The following EFCAB11 variants were observed in gnomAD, a reference collection of about 807,000 sequenced individuals.
The protein encoded by EFCAB11 is EF-hand calcium binding domain 11.
In EFCAB11, 14 loss-of-function variants were observed where a neutral mutation model predicts 23.0. The ratio of observed to expected loss-of-function variants is 0.61; its 90% CI spans 0.40 to 0.95. EFCAB11 has a LOEUF of 0.95. Among genes scored for constraint, EFCAB11 ranks in the 40% least tolerant of loss-of-function variants. EFCAB11 has a pLI of 0.00. For missense variants in EFCAB11, 198 were observed against 195.8 expected, an observed-to-expected ratio of 1.01 and a Z score of -0.07; for synonymous variants, 65 against 66.6, an observed-to-expected ratio of 0.98 and a Z score of 0.11.
At chr14:89,934,432 A>G (rs1255720591) in intron 3 of EFCAB11, among the ~76,000 whole-genome samples, 1 of 152,168 alleles carries the variant, frequency 6.6e-6, no homozygotes, top group African/African-American at 2.4e-5. Flanking sequence ...AGAGCTACTT[A>G]AAGAGAGGAG....
At chr14:89,945,919 T>G (rs147245606) in intron 3 of EFCAB11, among the ~76,000 whole-genome samples, 1 of 148,020 alleles carries the variant, frequency 6.8e-6, no homozygotes, top group Non-Finnish European at 1.5e-5. Context: ...GGGATTTTTT[T>G]TTTTTATTTT....
intron 3 of EFCAB11, among the ~76,000 whole-genome samples, chr14:89,944,939 A>G (rs1020904621): frequency 8.0e-5 from 9 of 113,136 alleles, no homozygotes; most frequent in South Asian, 6.5e-4. Context: ...ATCTAATAAT[A>G]AATCTAATAA....
intron 5 of EFCAB11, among the ~76,000 whole-genome samples, chr14:89,895,093 T>C (rs1450065654): frequency 1.3e-5 from 2 of 152,200 alleles, no homozygotes; most frequent in Non-Finnish European, 2.9e-5. Flanking sequence ...TAATAGGATC[T>C]ACCTCAAAAG....
chr14:89,879,209 G>A lies in EFCAB11; in HGVS notation c.410+52332C>T, dbSNP rs557953111. 2.0e-4 allele frequency among the ~76,000 whole-genome samples: 31 copies of A among 151,680 alleles called. 1 individual carries two copies. In the South Asian group the frequency reaches 2.9e-3, roughly 14 times the overall value. On this transcript the variant is annotated intron_variant, in intron 5 of 5. Transcript: ENST00000316738. Reference sequence around the variant, plus strand: ...GACTATTTTTCTTTTTAGTGTACTCGATCCTACTTCCTTCTTTTATATTTA... The same window carrying A: ...GACTATTTTTCTTTTTAGTGTACTCAATCCTACTTCCTTCTTTTATATTTA...
intron 5 of EFCAB11, among the ~76,000 whole-genome samples, chr14:89,798,619 G>C (rs2140071003): frequency 6.6e-6 from 1 of 152,294 alleles, no homozygotes; most frequent in South Asian, 2.1e-4. Flanking sequence ...AAATCTCAGA[G>C]GGTGAGTTAA....
intron 3 of EFCAB11, among the ~76,000 whole-genome samples, chr14:89,949,604 G>A (rs576041359): frequency 2.6e-5 from 4 of 152,216 alleles, no homozygotes; most frequent in Admixed American, 1.3e-4. Flanking sequence ...GACCTCAGAC[G>A]ATCCACCTGC....
rs372437574 is a variant in EFCAB11 at position 89,879,043 on chromosome 14, T to C, written c.410+52498A>G. On this transcript the variant is annotated intron_variant, in intron 5 of 5. Transcript: ENST00000316738. ...GTACTTTCTGCCTTGTTTTGACCTT[T>C]CTTTTGCCGAGACATGATCCCCCCA... is the stretch of plus-strand genomic sequence containing the variant. Among the ~76,000 whole-genome samples, 14 of 152,252 alleles carry C rather than the reference T, an allele frequency of 9.2e-5. No homozygotes were observed. The East Asian group carries it at 1.2e-3, about 13-fold the overall frequency.
intron 5 of EFCAB11, among the ~76,000 whole-genome samples, chr14:89,919,200 G>C (rs1043461339): frequency 7.8e-6 from 1 of 127,834 alleles, no homozygotes; most frequent in Non-Finnish European, 1.5e-5. Flanking sequence ...GAGAGAGAGA[G>C]AGACAGAGAG....
chr14:89,879,458 T>TA (rs1888537775), intron 5 of EFCAB11, among the ~76,000 whole-genome samples: 1 of 151,818 alleles, frequency 6.6e-6, no homozygotes, highest in African/African-American at 2.4e-5. Flanking sequence ...TTCAGTGACT[T>TA]ACAATGCATT....
intron 5 of EFCAB11, among the ~76,000 whole-genome samples, chr14:89,902,112 C>T (rs937473251): frequency 1.3e-5 from 2 of 152,132 alleles, no homozygotes; most frequent in African/African-American, 2.4e-5. Context: ...GCCTCTTGTT[C>T]GCTGCAACCC....
chr14:89,872,611 C>T (rs950594979), intron 5 of EFCAB11, among the ~76,000 whole-genome samples: 4 of 152,122 alleles, frequency 2.6e-5, no homozygotes, highest in African/African-American at 4.8e-5. Context: ...GCAGGTAGTA[C>T]GGGCTGAATT....
intron 5 of EFCAB11, among the ~76,000 whole-genome samples, chr14:89,890,716 C>G (rs965015780): frequency 6.6e-6 from 1 of 152,184 alleles, no homozygotes; most frequent in Non-Finnish European, 1.5e-5. Context: ...CTAGCTTGAA[C>G]CCAAAGAGGT....
intron 5 of EFCAB11, among the ~76,000 whole-genome samples, chr14:89,891,852 T>C (rs1447323318): frequency 6.6e-6 from 1 of 151,772 alleles, no homozygotes; most frequent in African/African-American, 2.4e-5. Context: ...GACGCGGCGG[T>C]GGGCAAGACG....
At chr14:89,927,328 T>C (rs1890225857) in intron 5 of EFCAB11, among the ~76,000 whole-genome samples, 1 of 152,212 alleles carries the variant, frequency 6.6e-6, no homozygotes, top group South Asian at 2.1e-4. Flanking sequence ...TTGAAGACTA[T>C]AAAAACTTAT....
intron 5 of EFCAB11, among the ~76,000 whole-genome samples, chr14:89,813,778 G>A (rs547895184): frequency 1.7e-3 from 256 of 152,244 alleles, no homozygotes; most frequent in African/African-American, 5.5e-3. Flanking sequence ...ATCATTTTGT[G>A]AGTGATGGCC....
rs2140065999 is a variant in EFCAB11, at chr14:89,795,120, G to A, written c.*2123C>T. On this transcript the variant is annotated 3_prime_UTR_variant, in exon 6 of 6. Coordinates refer to ENST00000316738, the MANE Select transcript of EFCAB11 (RefSeq NM_145231.4). Reference sequence around the variant, plus strand: ...AGCCTCCCGAGCAGCTGGGACTACAGGCACCTGCCACCACGCCCAGCTAAT... The same window carrying A: ...AGCCTCCCGAGCAGCTGGGACTACAAGCACCTGCCACCACGCCCAGCTAAT... 1 of 151,854 alleles carries A rather than the reference G, an allele frequency of 6.6e-6. No homozygotes were observed. The highest frequency in any genetic ancestry group is 2.0e-4 in the East Asian group (1 of 5,120). The allele number at this position is 151,854 out of a possible 1,614,324, so 9.4% of individuals were successfully genotyped here. A position where few individuals can be genotyped will look rare whatever the true frequency, so the allele number is the denominator to read the frequency against.
At chr14:89,807,390 G>A (rs955349657) in intron 5 of EFCAB11, among the ~76,000 whole-genome samples, 4 of 152,210 alleles carry the variant, frequency 2.6e-5, no homozygotes, top group African/African-American at 9.6e-5. Context: ...TCCTTGACTG[G>A]AGGTTTAGGA....
At position 89,888,362 on chromosome 14, in the gene EFCAB11, A is replaced by G. The variant is rs566468943; in HGVS notation, c.410+43179T>C. ...CTGAGCTTAGATAATTTATAAAGAC[A>G]AGGTTTAGATGGCTTATGGTTCTGC... On this transcript the variant is annotated intron_variant, in intron 5 of 5. Coordinates refer to ENST00000316738, the MANE Select transcript of EFCAB11 (RefSeq NM_145231.4). Among the ~76,000 whole-genome samples the G allele has an allele frequency of 2.1e-3, 319 of 152,304 alleles. 1 individual carries two copies. Among genetic ancestry groups the G allele is most frequent in the African/African-American group, 7.3e-3 (303 of 41,562 alleles).
In EFCAB11 at chr14:89,931,561, C is replaced by A; in HGVS notation, c.390G>T (p.Arg130Ser). ...CTTACCTGAATACCTCAAGAACAGT[C>A]CTTTCCGGTAATTTGGGAGCCACCT... ...FRQVAPKLPE[R>S]TVLEVFREVD... The change falls in exon 5 of 6, where the codon AGG becomes AGT. Residue 130 changes from arginine (R) to serine (S), a missense_variant. Physicochemically the swap from Arg to Ser is moderately radical, Grantham distance 110. Coordinates refer to ENST00000316738, the MANE Select transcript of EFCAB11 (RefSeq NM_145231.4). The A allele has an allele frequency of 6.2e-7, 1 of 1,614,118 alleles. No homozygotes were observed. The highest frequency in any genetic ancestry group is 1.1e-5 in the South Asian group (1 of 91,078).
Sources: allele counts gnomAD v4.1 joint callset (sites outside exome capture counted in the v4.1 genomes callset), GRCh38; gene constraint gnomAD v4.1.1; transcripts MANE v1.5; gene names NCBI Gene and HGNC (gene_info 2026-07-23, HGNC 2026-07-21).